Variants in PRCC observed in about 807,000 individuals in gnomAD.
The protein encoded by PRCC is proline-rich protein PRCC.
Under a neutral mutation model 44.0 loss-of-function variants are expected in PRCC, and 10 were observed. That is an observed-to-expected ratio of 0.23 (90% confidence interval 0.14 to 0.39). PRCC has a LOEUF of 0.39. Ranked by LOEUF, PRCC falls within the 10% of genes least tolerant of loss-of-function variation. The pLI, the probability that PRCC is intolerant of heterozygous loss-of-function variation, is 1.00. For missense variants in PRCC, 573 were observed against 624.7 expected, an observed-to-expected ratio of 0.92 and a Z score of 0.88; for synonymous variants, 278 against 259.5, an observed-to-expected ratio of 1.07 and a Z score of -0.69.
At chr1:156,792,470 CAG>C (rs1367963036) in intron 4 of PRCC, among the ~76,000 whole-genome samples, 2 of 151,960 alleles carry the variant, frequency 1.3e-5, no homozygotes, top group African/African-American at 2.4e-5. Context: ...TTGTTTTGAG[CAG>C]AGTCTTGCTT....
chr1:156,788,920 C>T (rs1465717165), intron 3 of PRCC, among the ~76,000 whole-genome samples: 1 of 151,336 alleles, frequency 6.6e-6, no homozygotes, highest in Non-Finnish European at 1.5e-5. Flanking sequence ...CCCACCTGGG[C>T]CTCCCAAAGT....
At chr1:156,784,434 A>C (rs997224079) in intron 2 of PRCC, among the ~76,000 whole-genome samples, 3 of 152,156 alleles carry the variant, frequency 2.0e-5, no homozygotes, top group Admixed American at 2.0e-4. Flanking sequence ...AAATGAGTAG[A>C]TAGAGGAATT....
intron 1 of PRCC, among the ~76,000 whole-genome samples, chr1:156,779,395 G>A (rs1012146366): frequency 2.7e-5 from 4 of 149,462 alleles, no homozygotes; most frequent in African/African-American, 7.4e-5. Flanking sequence ...ACCAAGTCTC[G>A]CTCTATCACC....
chr1:156,793,396 A>G (rs777154156), intron 4 of PRCC, among the ~76,000 whole-genome samples: 31 of 151,564 alleles, frequency 2.0e-4, no homozygotes, highest in Non-Finnish European at 3.5e-4. Context: ...TTCACCCCAC[A>G]TTTGCTTTGA....
chr1:156,791,322 A>T, intron 3 of PRCC: 1 of 525,236 alleles, frequency 1.9e-6, no homozygotes, highest in Non-Finnish European at 3.5e-6. Flanking sequence ...ATCGTAGCTC[A>T]TTGGGGTCTT....
chr1:156,791,093 G>T (rs776910370), intron 3 of PRCC: 3 of 1,412,762 alleles, frequency 2.1e-6, no homozygotes, highest in Admixed American at 1.9e-5. Context: ...TGGGCCACTC[G>T]CCTCTAAGGG....
chr1:156,792,053 C>CT (rs67388360), intron 4 of PRCC, among the ~76,000 whole-genome samples: 7,581 of 58,304 alleles, frequency 0.13, 1,801 homozygotes, highest in South Asian at 0.23. Flanking sequence ...TAGTCCCCTT[C>CT]TTTTTTTTTT....
intron 1 of PRCC, among the ~76,000 whole-genome samples, chr1:156,774,946 G>A (rs1280452022): frequency 2.0e-4 from 22 of 108,232 alleles, no homozygotes; most frequent in African/African-American, 6.1e-4. Flanking sequence ...GCAAGACTCT[G>A]TCTCAAAAAA....
At chr1:156,793,195 A>G (rs1652551264) in intron 4 of PRCC, among the ~76,000 whole-genome samples, 1 of 152,012 alleles carries the variant, frequency 6.6e-6, no homozygotes, top group African/African-American at 2.4e-5. Flanking sequence ...CCACTCCCCT[A>G]TGGATATCCT....
At chr1:156,769,536 G>A (rs1271419861) in intron 1 of PRCC, among the ~76,000 whole-genome samples, 1 of 152,124 alleles carries the variant, frequency 6.6e-6, no homozygotes, top group Non-Finnish European at 1.5e-5. Flanking sequence ...TTTCATGGAA[G>A]GAGTTTCCAG....
At chr1:156,794,138 G>C (rs1652581810) in intron 4 of PRCC, among the ~76,000 whole-genome samples, 1 of 151,630 alleles carries the variant, frequency 6.6e-6, no homozygotes. Flanking sequence ...TGTATTTTTA[G>C]TAGAGGTGAG....
intron 1 of PRCC, among the ~76,000 whole-genome samples, chr1:156,774,157 C>CTTTTTTTTTTTTTTTT (rs76271348): frequency 2.2e-4 from 12 of 54,004 alleles, no homozygotes; most frequent in Non-Finnish European, 3.5e-4. Flanking sequence ...TTTGAGTCAC[C>CTTTTTTTTTTTTTTTT]TTTTTTTTTT....
intron 3 of PRCC, 47 bp from the exon 4 acceptor site, chr1:156,791,650 C>T (rs1317010321): frequency 1.3e-6 from 2 of 1,557,808 alleles, no homozygotes; most frequent in East Asian, 2.3e-5. Context: ...TTCCCCTCTC[C>T]AACTGTGCCC....
At chr1:156,797,477 C>T (rs1652696118) in intron 6 of PRCC, 136 bp downstream of exon 6, 1 of 960,916 alleles carries the variant, frequency 1.0e-6, no homozygotes, top group Non-Finnish European at 1.6e-6. Context: ...CTCCTATTCT[C>T]AGAGCGGCCA....
chr1:156,773,644 T>G (rs1651713379), intron 1 of PRCC, among the ~76,000 whole-genome samples: 1 of 152,190 alleles, frequency 6.6e-6, no homozygotes, highest in Non-Finnish European at 1.5e-5. Flanking sequence ...TCTTTAGCAC[T>G]CTCTAGAAGT....
intron 1 of PRCC, among the ~76,000 whole-genome samples, chr1:156,773,704 G>A (rs1203176391): frequency 6.6e-6 from 1 of 152,174 alleles, no homozygotes; most frequent in Non-Finnish European, 1.5e-5. Flanking sequence ...CAGTTTGGCA[G>A]TTCCTCAAAA....
rs1403656386 is a variant in PRCC at position 156,782,344 on chromosome 1, A to G, written c.516+15A>G. On this transcript the variant is annotated intron_variant, in intron 2 of 6. Coordinates refer to ENST00000271526, the MANE Select transcript of PRCC (RefSeq NM_005973.5). ...CTATCCTTCAGGTAAGCATTGTGAT[A>G]TAAACCATTTTTTTTCTCTTCCTGT... The G allele has an allele frequency of 1.1e-5, 17 of 1,591,684 alleles. No homozygotes were observed. The highest frequency in any genetic ancestry group is 1.4e-5 in the Non-Finnish European group (16 of 1,161,784).
In PRCC at chr1:156,786,873, C is replaced by T. The variant is rs774832156; in HGVS notation, c.782C>T (p.Thr261Met). 4 of 1,614,110 alleles carry T rather than the reference C, an allele frequency of 2.5e-6. No homozygotes were observed. Among genetic ancestry groups the T allele is most frequent in the South Asian group, 1.1e-5 (1 of 91,088 alleles). Reference sequence around the variant, plus strand: ...GCCCTGCAGGTGACAAAGCAGATCACGCAGGAAGAAGACGACAGTGATGAG... The same window carrying T: ...GCCCTGCAGGTGACAAAGCAGATCATGCAGGAAGAAGACGACAGTGATGAG... ...SAALQVTKQI[T>M]QEEDDSDEEV... The change falls in exon 3 of 7, where the codon ACG becomes ATG. Residue 261 changes from threonine to methionine, a missense_variant. Coordinates refer to ENST00000271526, the MANE Select transcript of PRCC (RefSeq NM_005973.5).
intron 5 of PRCC, 142 bp downstream of exon 5, chr1:156,794,950 T>TG (rs1571595338): frequency 9.6e-7 from 1 of 1,038,506 alleles, no homozygotes; most frequent in East Asian, 2.5e-5. Context: ...TACTGGAGTA[T>TG]GCACTAAACC....
Sources: gnomAD v4.1 joint callset for allele counts (sites outside exome capture counted in the v4.1 genomes callset) on GRCh38, gnomAD v4.1.1 for gene constraint, MANE v1.5 for transcripts, NCBI Gene and HGNC (gene_info 2026-07-23, HGNC 2026-07-21) for gene names.